Variants in TLK1 observed in about 807,000 individuals in gnomAD.
The protein encoded by TLK1 is serine/threonine-protein kinase tousled-like 1.
In TLK1, 24 loss-of-function variants were observed where a neutral mutation model predicts 105.3. That is an observed-to-expected ratio of 0.23 (90% CI 0.17 to 0.32). The LOEUF (loss-of-function observed/expected upper bound fraction) is 0.32, where lower values mean the gene tolerates loss of function less well. Ranked by LOEUF, TLK1 falls within the 10% of genes least tolerant of loss-of-function variation. TLK1 has a pLI of 1.00. For missense variants in TLK1, 558 were observed against 910.5 expected (o/e 0.61, Z 4.98); for synonymous variants, 321 against 310.4 (o/e 1.03, Z -0.36).
intron 3 of TLK1, among the ~76,000 whole-genome samples, chr2:171,078,308 G>A (rs1447645406): frequency 6.6e-6 from 1 of 152,124 alleles, no homozygotes; most frequent in Non-Finnish European, 1.5e-5. Flanking sequence ...GGAAGGCCAA[G>A]GCAGGCAGAT....
At chr2:171,004,713 C>G (rs1252121276) in intron 18 of TLK1, among the ~76,000 whole-genome samples, 1 of 151,958 alleles carries the variant, frequency 6.6e-6, no homozygotes, top group Non-Finnish European at 1.5e-5. Context: ...TCCATGGAAT[C>G]TAAGATTCTA....
chr2:171,125,872 G>C (rs1209707291), intron 1 of TLK1, among the ~76,000 whole-genome samples: 2 of 152,102 alleles, frequency 1.3e-5, no homozygotes, highest in Admixed American at 1.3e-4. Context: ...AAATAGGTAA[G>C]TTTGCTTACT....
rs774923512 is a variant in TLK1, at chr2:171,013,318, C to CTTTTT, written c.1334+1528_1334+1532dup. Among the ~76,000 whole-genome samples the CTTTTT allele has an allele frequency of 5.7e-4, 42 of 74,152 alleles. 3 individuals are homozygous for CTTTTT. The highest frequency in any genetic ancestry group is 2.0e-3 in the African/African-American group (37 of 18,254). 48.6% of individuals were successfully genotyped at this position (74,152 alleles called of 152,430 possible). ...ATGAGCTACCACACCTGGCCCCTCA[C>CTTTTT]TTTTTTTTTTTTTTTTTTTTTTTTT... On this transcript the variant is annotated intron_variant, in intron 13 of 20. Coordinates refer to ENST00000431350, the MANE Select transcript of TLK1 (RefSeq NM_012290.5).
chr2:171,160,273 G>T lies in TLK1; in HGVS notation c.139+17C>A. On this transcript the variant is annotated intron_variant, in intron 1 of 20. Coordinates refer to ENST00000431350, the MANE Select transcript of TLK1 (RefSeq NM_012290.5). This position sits in a 1 kb window ranked among gnomAD's most constrained non-coding sequence, Gnocchi z 4.4. Reference sequence around the variant, plus strand: ...GAGAGGAGGCCCGCGAGCGGGCGCGGGCGCGGCGGTGCTTACCTTCCCTGG... The same window carrying T: ...GAGAGGAGGCCCGCGAGCGGGCGCGTGCGCGGCGGTGCTTACCTTCCCTGG... 6.6e-7 allele frequency: 1 copy of T among 1,513,192 alleles called. No individual in the cohort carries two copies. 93.7% of individuals were successfully genotyped at this position (1,513,192 alleles called of 1,614,324 possible).
chr2:171,226,789 G>T (rs2105333549), intron 1 of TLK1, among the ~76,000 whole-genome samples: 1 of 152,180 alleles, frequency 6.6e-6, no homozygotes, highest in South Asian at 2.1e-4. Context: ...TTAGGGTAGT[G>T]GTCATGCATA....
intron 1 of TLK1, among the ~76,000 whole-genome samples, chr2:171,134,135 T>C (rs1015115262): frequency 6.6e-6 from 1 of 152,222 alleles, no homozygotes; most frequent in Non-Finnish European, 1.5e-5. Context: ...ACAATTTGAT[T>C]ATAATATATA....
chr2:171,108,862 C>T (rs536965504), intron 2 of TLK1, among the ~76,000 whole-genome samples: 1 of 152,256 alleles, frequency 6.6e-6, no homozygotes, highest in East Asian at 1.9e-4. Context: ...TCCCAAAGTG[C>T]TGGGATTACA....
chr2:171,110,257 G>T lies in TLK1; in HGVS notation c.258+7482C>A, dbSNP rs111821959. On this transcript the variant is annotated intron_variant, in intron 2 of 20. Transcript: ENST00000431350. ...AGCCAAGGCAGGTGGATTACTTGAA[G>T]TCAGGAGTTCAGACCAGCCTGACCA... 2.7e-3 allele frequency among the ~76,000 whole-genome samples: 409 copies of T among 152,294 alleles called. 3 individuals carry two copies. The highest frequency in any genetic ancestry group is 9.3e-3 in the African/African-American group (385 of 41,568).
At chr2:171,016,134 C>T (rs1008340486) in intron 12 of TLK1, among the ~76,000 whole-genome samples, 11 of 152,142 alleles carry the variant, frequency 7.2e-5, no homozygotes, top group African/African-American at 2.4e-5. Context: ...AAGCCTGTGC[C>T]AGGTTTCAGT....
chr2:170,998,356 A>G (rs1045184933), intron 18 of TLK1, among the ~76,000 whole-genome samples: 7 of 152,130 alleles, frequency 4.6e-5, no homozygotes, highest in Middle Eastern at 3.2e-3. Context: ...TCTGGCAACA[A>G]CATACATTTT....
At position 170,991,570 on chromosome 2, in the gene TLK1, C is replaced by T. The variant is rs951217895; in HGVS notation, c.*2210G>A. 1 of 152,210 alleles carries T rather than the reference C, an allele frequency of 6.6e-6. No individual in the cohort carries two copies. Among genetic ancestry groups the T allele is most frequent in the African/African-American group, 2.4e-5 (1 of 41,450 alleles). The allele number at this position is 152,210 out of a possible 1,614,324, so 9.4% of individuals were successfully genotyped here. ...ACCTAAACCCAGGTCAGGAAAGCAACTTCATTTCATGGCTTGTTTTTCCCC... is the reference window on the plus strand; with the variant it reads ...ACCTAAACCCAGGTCAGGAAAGCAATTTCATTTCATGGCTTGTTTTTCCCC... On this transcript the variant is annotated 3_prime_UTR_variant, in exon 21 of 21. Coordinates refer to ENST00000431350, the MANE Select transcript of TLK1 (RefSeq NM_012290.5).
rs1474518784 is a variant in TLK1, at chr2:171,160,801, C to T, written c.-373G>A. 5.2e-6 allele frequency: 2 copies of T among 388,208 alleles called. No individual in the cohort carries two copies. Among genetic ancestry groups the T allele is most frequent in the Non-Finnish European group, 9.0e-6 (2 of 221,330 alleles). 24.0% of individuals were successfully genotyped at this position (388,208 alleles called of 1,614,324 possible). A position where few individuals can be genotyped will look rare whatever the true frequency, so the allele number is the denominator to read the frequency against. On this transcript the variant is annotated 5_prime_UTR_variant, in exon 1 of 21. Coordinates refer to ENST00000431350, the MANE Select transcript of TLK1 (RefSeq NM_012290.5). This position sits in a 1 kb window ranked among gnomAD's most constrained non-coding sequence, Gnocchi z 4.4. ...GGACACTTCCGCGGGCGGAACCTGC[C>T]GGCACCTCTGCAGTGCGTCGGCCCC...
chr2:171,010,386 A>T (rs755579160), intron 14 of TLK1, among the ~76,000 whole-genome samples: 1 of 152,184 alleles, frequency 6.6e-6, no homozygotes, highest in Non-Finnish European at 1.5e-5. Flanking sequence ...TCTATTTCAA[A>T]TGTGAGTTTC....
chr2:171,173,211 C>T (rs1692760787), intron 1 of TLK1, among the ~76,000 whole-genome samples: 2 of 152,148 alleles, frequency 1.3e-5, no homozygotes, highest in Non-Finnish European at 2.9e-5. Flanking sequence ...CTTGTATGCT[C>T]ACTATTATTA....
intron 1 of TLK1, among the ~76,000 whole-genome samples, chr2:171,197,576 C>T (rs1485456153): frequency 1.3e-5 from 2 of 152,038 alleles, no homozygotes; most frequent in South Asian, 2.1e-4. Flanking sequence ...GTCAGGAGTT[C>T]GAGACCAGCC....
chr2:171,160,709 A>AGGCGTC lies in TLK1; in HGVS notation c.-287_-282dup, dbSNP rs1460377985. The AGGCGTC allele has an allele frequency of 7.5e-5, 35 of 469,722 alleles. No individual in the cohort carries two copies. In the East Asian group the frequency reaches 1.2e-3, roughly 16 times the overall value. 29.1% of individuals were successfully genotyped at this position (469,722 alleles called of 1,614,324 possible). On this transcript the variant is annotated 5_prime_UTR_variant, in exon 1 of 21. Transcript: ENST00000431350. The surrounding 1 kb of genome is among the most constrained non-coding windows in gnomAD (Gnocchi z 4.4). The stretch of plus-strand genomic sequence containing the variant: ...GAGGAGGAAAGGAGCGCGGCGGCGG[A>AGGCGTC]GGCGTCGAGGGGGTGCCAGCCGGGC...
intron 11 of TLK1, among the ~76,000 whole-genome samples, chr2:171,031,602 C>A (rs1174067000): frequency 1.3e-5 from 2 of 152,090 alleles, no homozygotes; most frequent in East Asian, 3.8e-4. Context: ...TTTTATTATG[C>A]ACACATAACA....
chr2:171,098,213 C>A (rs1689534155), intron 2 of TLK1, among the ~76,000 whole-genome samples: 1 of 152,020 alleles, frequency 6.6e-6, no homozygotes, highest in South Asian at 2.1e-4. Context: ...TAATATAGTA[C>A]CGTACACTTG....
chr2:171,155,311 C>G (rs1692191349), intron 1 of TLK1, among the ~76,000 whole-genome samples: 1 of 152,120 alleles, frequency 6.6e-6, no homozygotes, highest in Admixed American at 6.5e-5. Flanking sequence ...CTCTACTAAA[C>G]TGTATCATAA....
Sources: allele counts gnomAD v4.1 joint callset (sites outside exome capture counted in the v4.1 genomes callset), GRCh38; gene constraint gnomAD v4.1.1; non-coding constraint Gnocchi (gnomAD v3.1); transcripts MANE v1.5; gene names NCBI Gene and HGNC (gene_info 2026-07-23, HGNC 2026-07-21).